KMT2E: variants seen among roughly 807,000 people sequenced by gnomAD.
The protein encoded by KMT2E is histone reader KMT2E.
A neutral mutation model predicts 184.6 loss-of-function variants in KMT2E; 30 were observed. The observed-to-expected ratio is 0.16, with a 90% CI of 0.12 to 0.22. The LOEUF (loss-of-function observed/expected upper bound fraction) is 0.22. KMT2E is among the 10% of genes least tolerant of loss of function. KMT2E has a pLI of 1.00. For synonymous variants in KMT2E, 815 were observed against 776.5 expected, an observed-to-expected ratio of 1.05 and a Z score of -0.82; for missense variants, 2,023 against 2,237.4, an observed-to-expected ratio of 0.90 and a Z score of 1.93.
intron 1 of KMT2E, among the ~76,000 whole-genome samples, chr7:105,015,056 C>G (rs1245339176): frequency 6.6e-6 from 1 of 151,998 alleles, no homozygotes; most frequent in Non-Finnish European, 1.5e-5. Flanking sequence ...GGGCATCTCT[C>G]TTTGTGGGAG....
At chr7:105,093,566 C>T (rs1019686751) in intron 15 of KMT2E, among the ~76,000 whole-genome samples, 7 of 152,096 alleles carry the variant, frequency 4.6e-5, no homozygotes, top group African/African-American at 9.7e-5. Context: ...TGACTGTAAT[C>T]GCAGCCACTT....
intron 1 of KMT2E, among the ~76,000 whole-genome samples, chr7:105,017,453 TAG>T: frequency 6.6e-6 from 1 of 151,620 alleles, no homozygotes; most frequent in Admixed American, 6.6e-5. Flanking sequence ...TTTGATGTTT[TAG>T]TTCCTGTAAA....
At chr7:105,064,478 C>T (rs538973336) in intron 5 of KMT2E, among the ~76,000 whole-genome samples, 17 of 151,998 alleles carry the variant, frequency 1.1e-4, no homozygotes, top group Non-Finnish European at 2.2e-4. Context: ...AATATTATCC[C>T]CATCTATTAG....
intron 15 of KMT2E, among the ~76,000 whole-genome samples, chr7:105,092,788 C>G (rs1439291273): frequency 6.6e-6 from 1 of 151,900 alleles, no homozygotes; most frequent in African/African-American, 2.4e-5. Context: ...TTTTAGGAAA[C>G]CAATTTAGAG....
In KMT2E at chr7:105,110,547, C is replaced by T; in HGVS notation, c.3915C>T (p.His1305=). Residue 1305 remains histidine, a synonymous_variant, in exon 25 of 27, where the codon CAC becomes CAT. Transcript: ENST00000311117. ...CTTCACCTTCATCTCATTCAAATCA[C>T]ATACCCCAGTTGCAAGCTAAGGGCC... ...VQSSPSSHSN[H]IPQLQAKGPV... 1 of 1,614,150 alleles carries T rather than the reference C, an allele frequency of 6.2e-7. No individual in the cohort carries two copies. The highest frequency in any genetic ancestry group is 8.5e-7 in the Non-Finnish European group (1 of 1,179,966).
At chr7:105,029,066 A>T (rs1345080109) in intron 1 of KMT2E, among the ~76,000 whole-genome samples, 1 of 152,026 alleles carries the variant, frequency 6.6e-6, no homozygotes, top group African/African-American at 2.4e-5. Context: ...GGAGTTCGAG[A>T]CTAGCCTGGC....
chr7:105,092,956 G>T (rs1798266264), intron 15 of KMT2E, among the ~76,000 whole-genome samples: 1 of 152,148 alleles, frequency 6.6e-6, no homozygotes, highest in South Asian at 2.1e-4. Context: ...CACTTTGGGA[G>T]GCTTAGGTGG....
rs1224881584 is a variant in KMT2E at position 105,113,176 on chromosome 7, C to T, written c.5420C>T (p.Thr1807Ile). 4 of 1,614,092 alleles carry T rather than the reference C, an allele frequency of 2.5e-6. No homozygotes were observed. In the African/African-American group the frequency reaches 4.0e-5, roughly 16 times the overall value. ...GGACCAAACAGTATTCCAACACCTA[C>T]TGCTTCAGGGTTCTGTCCTCATCCT... The part of the protein sequence containing the change: ...PQGPNSIPTP[T>I]ASGFCPHPGS... Residue 1807 changes from threonine (T) to isoleucine (I), a missense_variant, in exon 27 of 27, where the codon ACT becomes ATT. Thr to Ile is a moderately conservative substitution (Grantham distance 89, BLOSUM62 -1). Coordinates refer to ENST00000311117, the MANE Select transcript of KMT2E (RefSeq NM_182931.3).
rs542880051 is a variant in KMT2E, at chr7:105,062,820, G to A, written c.187-531G>A. 3.3e-5 allele frequency among the ~76,000 whole-genome samples: 5 copies of A among 151,668 alleles called. No homozygotes were observed. In the South Asian group the frequency reaches 6.2e-4, roughly 19 times the overall value. ...TAAGAGGCAGCATTTAGATTCAAAC[G>A]TAATTACATAACAACACATTTATGA... On this transcript the variant is annotated intron_variant, in intron 4 of 26. Transcript: ENST00000311117.
At chr7:105,109,357 C>T (rs1799073165) in intron 23 of KMT2E, 129 bp downstream of exon 23, 2 of 925,302 alleles carry the variant, frequency 2.2e-6, no homozygotes, top group Non-Finnish European at 3.2e-6. Context: ...ATTCTCTCTG[C>T]TAATAGGATT....
chr7:105,049,330 C>G (rs1325323309), intron 3 of KMT2E, among the ~76,000 whole-genome samples: 1 of 151,920 alleles, frequency 6.6e-6, no homozygotes, highest in Non-Finnish European at 1.5e-5. Flanking sequence ...GCCCGTAGTC[C>G]CAGCTACTTG....
chr7:105,067,659 C>A (rs934167276), intron 6 of KMT2E, among the ~76,000 whole-genome samples: 2 of 152,114 alleles, frequency 1.3e-5, no homozygotes, highest in African/African-American at 4.8e-5. Flanking sequence ...ATATGTCTGT[C>A]AATTCTTTTT....
chr7:105,033,566 T>G (rs1389553311), intron 1 of KMT2E, among the ~76,000 whole-genome samples: 1 of 152,206 alleles, frequency 6.6e-6, no homozygotes, highest in Non-Finnish European at 1.5e-5. Context: ...TTTCATGATC[T>G]CGGCCCACTG....
At chr7:105,064,516 T>C (rs1796955991) in intron 5 of KMT2E, among the ~76,000 whole-genome samples, 1 of 152,108 alleles carries the variant, frequency 6.6e-6, no homozygotes, top group Admixed American at 6.6e-5. Flanking sequence ...TGAATATTAT[T>C]GATACAAACA....
chr7:105,084,690 A>G (rs968432217), intron 13 of KMT2E, among the ~76,000 whole-genome samples: 2 of 152,114 alleles, frequency 1.3e-5, no homozygotes, highest in Admixed American at 6.5e-5. Context: ...GAACCACAAG[A>G]GATCACTTTT....
At chr7:105,035,521 A>G (rs967438480) in intron 1 of KMT2E, among the ~76,000 whole-genome samples, 5 of 151,120 alleles carry the variant, frequency 3.3e-5, no homozygotes, top group South Asian at 2.1e-4. Flanking sequence ...GATTCACCCA[A>G]GTTGTTGCCT....
At position 105,113,568 on chromosome 7, in the gene KMT2E, G is replaced by A; in HGVS notation, c.*235G>A. On this transcript the variant is annotated 3_prime_UTR_variant, in exon 27 of 27. Coordinates refer to ENST00000311117, the MANE Select transcript of KMT2E (RefSeq NM_182931.3). ...TGAACATTCCAGCTGTTTTTTTCTG[G>A]CAGATCTGATGCTGATTTGATGCTG... is the stretch of plus-strand genomic sequence containing the variant. The A allele has an allele frequency of 2.3e-6, 1 of 426,524 alleles. No individual in the cohort carries two copies. Among genetic ancestry groups the A allele is most frequent in the South Asian group, 4.9e-5 (1 of 20,210 alleles). The allele number at this position is 426,524 out of a possible 1,614,324, so 26.4% of individuals were successfully genotyped here.
rs1313069696 is a variant in KMT2E at position 105,076,102 on chromosome 7, G to A, written c.768+21G>A. 7 of 1,545,262 alleles carry A rather than the reference G, an allele frequency of 4.5e-6. No individual in the cohort carries two copies. The African/African-American group carries it at 8.2e-5, about 18-fold the overall frequency. On this transcript the variant is annotated intron_variant, in intron 9 of 26. Transcript: ENST00000311117. The stretch of plus-strand genomic sequence containing the variant: ...TTAAGGTAAATACATTAATTTTAAG[G>A]TGTTGTTATCAACTGTCATTTATTC...
intron 26 of KMT2E, 124 bp downstream of exon 26, chr7:105,110,992 T>C (rs1477483952): frequency 2.7e-5 from 18 of 669,110 alleles, no homozygotes; most frequent in Non-Finnish European, 3.4e-5. Context: ...CTGGACACTT[T>C]TCCTGTCAGA....
Sources: allele counts gnomAD v4.1 joint callset (sites outside exome capture counted in the v4.1 genomes callset), GRCh38; gene constraint gnomAD v4.1.1; transcripts MANE v1.5; gene names NCBI Gene and HGNC (gene_info 2026-07-23, HGNC 2026-07-21).